The following HAPSTR1 variants were observed in gnomAD, a reference collection of about 807,000 sequenced individuals.
HAPSTR1 encodes the protein HUWE1-associated protein modifying stress responses 1.
the HAPSTR1 span, chr16:9,109,699 T>G: frequency 6.6e-6 from 1 of 152,242 alleles, no homozygotes. Context: ...GTTCCTTTCA[T>G]GTTTAAAACA....
chr16:9,117,901 C>G, the HAPSTR1 span: 60 of 152,698 alleles, frequency 3.9e-4, 1 homozygote, highest in African/African-American at 1.3e-3. Flanking sequence ...TCTTTTTTAT[C>G]TACTAATAAT....
chr16:9,110,992 C>A, the HAPSTR1 span: 1 of 152,522 alleles, frequency 6.6e-6, no homozygotes, highest in African/African-American at 2.4e-5. Context: ...GAGCTGAGAT[C>A]GTGCCATTGC....
At chr16:9,120,332 C>T in the HAPSTR1 span, 9 of 152,318 alleles carry the variant, frequency 5.9e-5, no homozygotes, top group Admixed American at 3.3e-4. Context: ...CAGCTTCTAG[C>T]CTCCCTTTGG....
the HAPSTR1 span, chr16:9,107,168 A>G: frequency 6.6e-6 from 1 of 152,204 alleles, no homozygotes; most frequent in Non-Finnish European, 1.5e-5. Context: ...CATTTATCTC[A>G]GATGAAGTTT....
At chr16:9,106,596 T>G in the HAPSTR1 span, 1 of 152,010 alleles carries the variant, frequency 6.6e-6, no homozygotes, top group Non-Finnish European at 1.5e-5. Context: ...CAAATAGTTT[T>G]TATCAAAGCT....
At chr16:9,092,213 C>T in the HAPSTR1 span, 1 of 1,588,094 alleles carries the variant, frequency 6.3e-7, no homozygotes, top group Admixed American at 1.8e-5. Flanking sequence ...GCACAAGCAG[C>T]AGAAGCTGTG....
the HAPSTR1 span, among the ~76,000 whole-genome samples, chr16:9,094,701 T>G: frequency 1.3e-5 from 2 of 152,224 alleles, no homozygotes; most frequent in African/African-American, 4.8e-5. Flanking sequence ...GCCTTTTGAT[T>G]GGCTAGTATT....
the HAPSTR1 span, among the ~76,000 whole-genome samples, chr16:9,099,170 A>G: frequency 5.9e-5 from 9 of 151,284 alleles, no homozygotes; most frequent in East Asian, 1.7e-3. Context: ...GATACCTGCT[A>G]TGACTGGTGT....
the HAPSTR1 span, chr16:9,092,307 G>A: frequency 6.9e-7 from 1 of 1,443,726 alleles, no homozygotes; most frequent in East Asian, 2.9e-5. Flanking sequence ...CCGCTTGGCC[G>A]CCCCCGCCCG....
the HAPSTR1 span, chr16:9,110,455 C>G: frequency 6.6e-6 from 1 of 152,116 alleles, no homozygotes; most frequent in African/African-American, 2.4e-5. Context: ...GATTTTCTTC[C>G]TCCTCCAAGT....
the HAPSTR1 span, among the ~76,000 whole-genome samples, chr16:9,100,653 C>T: frequency 1.3e-5 from 2 of 152,136 alleles, no homozygotes; most frequent in Non-Finnish European, 2.9e-5. Flanking sequence ...CCTGCCTCAG[C>T]CTCCCGAGTA....
chr16:9,106,989 T>G, the HAPSTR1 span: 2 of 152,290 alleles, frequency 1.3e-5, no homozygotes, highest in Non-Finnish European at 2.9e-5. Flanking sequence ...TGGCTTCTCT[T>G]CTGCCACATT....
the HAPSTR1 span, chr16:9,092,954 G>C: frequency 6.2e-7 from 1 of 1,600,390 alleles, no homozygotes; most frequent in East Asian, 2.3e-5. Context: ...CTTTCTCTCT[G>C]GGTCCCCTTC....
At chr16:9,103,481 A>G in the HAPSTR1 span, 1 of 525,896 alleles carries the variant, frequency 1.9e-6, no homozygotes, top group African/African-American at 1.9e-5. Context: ...GTTTGAGCTT[A>G]TTGGTGTTAA....
the HAPSTR1 span, chr16:9,103,578 A>G: frequency 8.6e-6 from 2 of 231,810 alleles, no homozygotes; most frequent in Admixed American, 1.0e-4. Flanking sequence ...CTGAAGTCAA[A>G]GAGGAAGTTC....
chr16:9,119,848 C>T, the HAPSTR1 span: 1 of 152,160 alleles, frequency 6.6e-6, no homozygotes, highest in Non-Finnish European at 1.5e-5. Flanking sequence ...ATAATTGTGG[C>T]TTTGGGCCTG....
chr16:9,115,384 C>A, the HAPSTR1 span, among the ~76,000 whole-genome samples: 2 of 152,066 alleles, frequency 1.3e-5, no homozygotes, highest in Non-Finnish European at 2.9e-5. Flanking sequence ...AATAACAGAT[C>A]CCTAGGTGAG....
At chr16:9,112,186 G>C in the HAPSTR1 span, 1 of 152,036 alleles carries the variant, frequency 6.6e-6, no homozygotes, top group African/African-American at 2.4e-5. Flanking sequence ...AACTCCCCTG[G>C]TACATCTTAA....
chr16:9,105,078 C>G, the HAPSTR1 span: 1 of 152,126 alleles, frequency 6.6e-6, no homozygotes, highest in Non-Finnish European at 1.5e-5. Context: ...CCCCCTCTGC[C>G]CTCGAAAAAC....
Sources: allele counts gnomAD v4.1 joint callset (sites outside exome capture counted in the v4.1 genomes callset), GRCh38; gene constraint gnomAD v4.1.1; transcripts MANE v1.5; gene names NCBI Gene and HGNC (gene_info 2026-07-23, HGNC 2026-07-21).